GAS2: variants seen among roughly 807,000 people sequenced by gnomAD.
The protein encoded by GAS2 is growth arrest-specific protein 2.
GAS2 carries 20 observed loss-of-function variants against 37.5 expected under a neutral mutation model. The observed-to-expected ratio is 0.53, with a 90% CI of 0.37 to 0.77. The LOEUF (loss-of-function observed/expected upper bound fraction) is 0.77, where lower values mean the gene tolerates loss of function less well. Among genes scored for constraint, GAS2 ranks in the 30% least tolerant of loss-of-function variants. The pLI, the probability that GAS2 is intolerant of heterozygous loss-of-function variation, is 0.00. For missense variants in GAS2, 336 were observed against 373.4 expected (o/e 0.90, Z 0.82); for synonymous variants, 144 against 132.2 (o/e 1.09, Z -0.61).
chr11:22,717,613 A>G lies in GAS2; in HGVS notation c.268-8679A>G, dbSNP rs535667646. ...AACCCAAGAGCAAATGCAACAAAAC[A>G]AAGATAAATAGATGGGACTTAACTA... On this transcript the variant is annotated intron_variant, in intron 3 of 7. Coordinates refer to ENST00000454584, the MANE Select transcript of GAS2 (RefSeq NM_001143830.3). Among the ~76,000 whole-genome samples, 10 of 152,218 alleles carry G rather than the reference A, an allele frequency of 6.6e-5. No homozygotes were observed. The East Asian group carries it at 1.5e-3, about 23-fold the overall frequency.
In GAS2 at chr11:22,652,951, C is replaced by CTCTTTCTTTCTTTG. The variant is rs1267942063; in HGVS notation, c.-20-21857_-20-21844dup. 4.2e-3 allele frequency among the ~76,000 whole-genome samples: 485 copies of CTCTTTCTTTCTTTG among 116,678 alleles called. 18 individuals are homozygous for CTCTTTCTTTCTTTG. The highest frequency in any genetic ancestry group is 8.3e-3 in the African/African-American group (269 of 32,502). The allele number at this position is 116,678 out of a possible 152,430, so 76.5% of individuals were successfully genotyped here. ...TCGGCCATCTTGGCTCCTCCACAAC[C>CTCTTTCTTTCTTTG]TCTTTCTTTCTTTGTCTTTCTTTCT... On this transcript the variant is annotated intron_variant, in intron 1 of 5. Coordinates refer to the GAS2 transcript ENST00000528582.
chr11:22,753,772 T>A (rs1464422519), intron 6 of GAS2, among the ~76,000 whole-genome samples: 2 of 152,124 alleles, frequency 1.3e-5, no homozygotes, highest in Non-Finnish European at 2.9e-5. Flanking sequence ...CATAAACATA[T>A]TTTACATGTA....
chr11:22,752,111 A>G (rs1853771077), intron 6 of GAS2, among the ~76,000 whole-genome samples: 1 of 152,052 alleles, frequency 6.6e-6, no homozygotes, highest in Non-Finnish European at 1.5e-5. Flanking sequence ...TGTTTGATCA[A>G]ACACACCACG....
At chr11:22,662,786 G>A (rs947111399), upstream of GAS2, among the ~76,000 whole-genome samples, 8 of 152,120 alleles carry the variant, frequency 5.3e-5, no homozygotes, top group Admixed American at 5.2e-4. Flanking sequence ...TTGGAGGGTT[G>A]GGGTAGGGCA....
chr11:22,724,694 T>G (rs2134157534), intron 3 of GAS2, among the ~76,000 whole-genome samples: 1 of 152,206 alleles, frequency 6.6e-6, no homozygotes, highest in East Asian at 1.9e-4. Context: ...CTGAAGTATA[T>G]ATCTGTGCAT....
At chr11:22,782,371 G>A (rs893896069) in intron 7 of GAS2, among the ~76,000 whole-genome samples, 12 of 152,234 alleles carry the variant, frequency 7.9e-5, no homozygotes, top group African/African-American at 2.9e-4. Context: ...GGGTTCCTTA[G>A]TTGTGAACCA....
intron 7 of GAS2, among the ~76,000 whole-genome samples, chr11:22,777,705 C>A (rs145445250): frequency 6.6e-5 from 10 of 152,156 alleles, no homozygotes; most frequent in African/African-American, 2.4e-4. Context: ...AGAATTCCAG[C>A]AGGAATAATG....
At chr11:22,685,638 C>T (rs1284563939) in intron 2 of GAS2, 30 bp from the exon 3 acceptor site, 4 of 1,598,916 alleles carry the variant, frequency 2.5e-6, no homozygotes, top group Non-Finnish European at 3.4e-6. Context: ...TTTGATTTTC[C>T]TTTTATAATG....
At chr11:22,767,176 G>A (rs181829356) in intron 7 of GAS2, among the ~76,000 whole-genome samples, 1 of 152,190 alleles carries the variant, frequency 6.6e-6, no homozygotes, top group Non-Finnish European at 1.5e-5. Context: ...TGACAAAAAT[G>A]AGTGTGATTG....
intron 3 of GAS2, among the ~76,000 whole-genome samples, chr11:22,722,021 A>G (rs969710868): frequency 2.2e-4 from 33 of 151,968 alleles, no homozygotes; most frequent in Non-Finnish European, 2.1e-4. Flanking sequence ...ATCGTATAGC[A>G]GAGGACACTG....
intron 6 of GAS2, 86 bp from the exon 7 acceptor site, chr11:22,755,760 G>T: frequency 1.2e-6 from 1 of 849,466 alleles, no homozygotes; most frequent in South Asian, 1.5e-5. Flanking sequence ...GTCATTAAGG[G>T]TTCAGGGGCC....
chr11:22,686,378 G>A (rs1849948779), intron 3 of GAS2, among the ~76,000 whole-genome samples: 1 of 151,642 alleles, frequency 6.6e-6, no homozygotes, highest in South Asian at 2.1e-4. Flanking sequence ...AAGAGAGATT[G>A]TACTTAATTT....
intron 5 of GAS2, among the ~76,000 whole-genome samples, 176 bp from the exon 6 acceptor site, chr11:22,748,944 G>C (rs7106660): frequency 0.014 from 2,094 of 152,050 alleles, 56 homozygotes; most frequent in African/African-American, 0.048. Context: ...TACATGTTTT[G>C]CCTCTGCTTA....
chr11:22,796,562 A>G (rs984593811), intron 7 of GAS2, among the ~76,000 whole-genome samples: 2 of 152,186 alleles, frequency 1.3e-5, no homozygotes, highest in Admixed American at 6.6e-5. Context: ...ACCAATAGAA[A>G]GAACTGAATG....
At chr11:22,634,739 C>A (rs558345171) in intron 1 of GAS2, among the ~76,000 whole-genome samples, 1 of 152,238 alleles carries the variant, frequency 6.6e-6, no homozygotes, top group South Asian at 2.1e-4. Context: ...AGGACCTGTT[C>A]TCTAATCTCA....
chr11:22,637,109 A>G (rs1468121225), intron 1 of GAS2, among the ~76,000 whole-genome samples: 2 of 129,296 alleles, frequency 1.5e-5, no homozygotes, highest in African/African-American at 6.0e-5. Flanking sequence ...ATTACATTAT[A>G]TTAATATAAT....
intron 3 of GAS2, among the ~76,000 whole-genome samples, chr11:22,692,121 C>A (rs931874061): frequency 3.3e-4 from 50 of 152,128 alleles, no homozygotes; most frequent in Non-Finnish European, 5.7e-4. Context: ...AAATAAAACT[C>A]ATCACAGGAG....
intron 6 of GAS2, 38 bp downstream of exon 6, chr11:22,749,299 T>A (rs1853599109): frequency 6.3e-7 from 1 of 1,587,532 alleles, no homozygotes; most frequent in Middle Eastern, 1.7e-4. Context: ...CAACGGTTAG[T>A]CTTTCTTGCA....
chr11:22,669,667 C>T (rs1849125446), intron 1 of GAS2, among the ~76,000 whole-genome samples: 1 of 152,228 alleles, frequency 6.6e-6, no homozygotes, highest in Non-Finnish European at 1.5e-5. Context: ...CTACCAACCC[C>T]TTATTAATTA....
Sources: allele counts gnomAD v4.1 joint callset (sites outside exome capture counted in the v4.1 genomes callset), GRCh38; gene constraint gnomAD v4.1.1; transcripts MANE v1.5; gene names NCBI Gene and HGNC (gene_info 2026-07-23, HGNC 2026-07-21).